Variants in AFF2 observed in about 807,000 individuals in gnomAD.
AFF2 encodes the protein ALF transcription elongation factor 2, also known as AF4/FMR2 family member 2.
A neutral mutation model predicts 76.9 loss-of-function variants in AFF2; 14 were observed. The ratio of observed to expected loss-of-function variants is 0.18; its 90% confidence interval spans 0.12 to 0.28. The LOEUF is 0.28. Among genes scored for constraint, AFF2 ranks in the 10% least tolerant of loss-of-function variants. AFF2 has a pLI of 1.00. For synonymous variants in AFF2, 398 were observed against 366.7 expected (o/e 1.09, Z -0.98); for missense variants, 868 against 1,001.1 (o/e 0.87, Z 1.79).
intron 1 of AFF2, among the ~76,000 whole-genome samples, chrX:148,617,420 G>T (rs1404247149): frequency 1.8e-5 from 2 of 111,843 alleles, no homozygotes; most frequent in Non-Finnish European, 3.8e-5. Flanking sequence ...TGATGGGGTT[G>T]TTTGTTTTTT....
At chrX:148,921,425 A>G (rs1022895822) in intron 9 of AFF2, among the ~76,000 whole-genome samples, 5 of 112,339 alleles carry the variant, frequency 4.5e-5, no homozygotes, top group Admixed American at 9.4e-5. Flanking sequence ...TTCTCCCTCC[A>G]GTAAGCCTTG....
chrX:148,634,614 C>G (rs1276032655), intron 1 of AFF2, among the ~76,000 whole-genome samples: 1 of 112,126 alleles, frequency 8.9e-6, no homozygotes, highest in Non-Finnish European at 1.9e-5. Flanking sequence ...CTCTCCCTCT[C>G]TCAAACATCT....
intron 9 of AFF2, among the ~76,000 whole-genome samples, chrX:148,934,141 C>T (rs2071745776): frequency 8.9e-6 from 1 of 112,664 alleles, no homozygotes; most frequent in African/African-American, 3.2e-5. Flanking sequence ...CAGTCAAATA[C>T]CTGGTTTGTG....
At chrX:148,705,970 C>A (rs1360704244) in intron 3 of AFF2, among the ~76,000 whole-genome samples, 1 of 111,780 alleles carries the variant, frequency 8.9e-6, no homozygotes, top group East Asian at 2.8e-4. Flanking sequence ...CTATGCAATC[C>A]TGGGGCTCTA....
chrX:148,605,986 A>T lies in AFF2; in HGVS notation c.48-46013A>T, dbSNP rs151336045. Among the ~76,000 whole-genome samples the T allele has an allele frequency of 8.5e-3, 956 of 112,306 alleles. 13 individuals are homozygous for T. Among genetic ancestry groups the T allele is most frequent in the African/African-American group, 0.029 (895 of 30,960 alleles). ...ATCTCCCCCAAATTTAGACCAGTTAAAAAGGGAAAAAGAGTAACTTTAACA... is the reference window on the plus strand; with the variant it reads ...ATCTCCCCCAAATTTAGACCAGTTATAAAGGGAAAAAGAGTAACTTTAACA... On this transcript the variant is annotated intron_variant, in intron 1 of 20. Coordinates refer to ENST00000370460, the MANE Select transcript of AFF2 (RefSeq NM_002025.4).
At chrX:148,536,131 A>G (rs1557236557) in intron 1 of AFF2, among the ~76,000 whole-genome samples, 3 of 108,912 alleles carry the variant, frequency 2.8e-5, no homozygotes, top group Non-Finnish European at 5.7e-5. Context: ...AATCGCTTGA[A>G]CCCAGGAGGT....
At chrX:148,729,480 C>T (rs782038222) in intron 3 of AFF2, among the ~76,000 whole-genome samples, 6 of 111,866 alleles carry the variant, frequency 5.4e-5, no homozygotes, top group South Asian at 3.7e-4. Flanking sequence ...ACACTACAGA[C>T]GTTATTTTCT....
chrX:148,834,549 A>G (rs868944010), intron 4 of AFF2, among the ~76,000 whole-genome samples: 3 of 86,915 alleles, frequency 3.5e-5, no homozygotes, highest in African/African-American at 1.4e-4. Flanking sequence ...GTGTGTGTGT[A>G]TGTAACTTAT....
At chrX:148,743,635 G>A (rs2055387385) in intron 3 of AFF2, among the ~76,000 whole-genome samples, 1 of 111,060 alleles carries the variant, frequency 9.0e-6, no homozygotes, top group Non-Finnish European at 1.9e-5. Context: ...CTTGCATTTT[G>A]CTGGAGGACC....
At chrX:148,766,154 G>A (rs782821096) in intron 3 of AFF2, among the ~76,000 whole-genome samples, 19 of 110,059 alleles carry the variant, frequency 1.7e-4, no homozygotes, top group Non-Finnish European at 3.4e-4. Context: ...GAATAGTGCC[G>A]CCATAAACAT....
chrX:148,788,363 CTT>C (rs782187493), intron 3 of AFF2, among the ~76,000 whole-genome samples: 63 of 112,191 alleles, frequency 5.6e-4, no homozygotes, highest in Non-Finnish European at 8.6e-4. Context: ...TAAGTTTTCT[CTT>C]TTCAGCAGTT....
At chrX:148,792,283 A>G (rs1479159658) in intron 3 of AFF2, among the ~76,000 whole-genome samples, 1 of 112,058 alleles carries the variant, frequency 8.9e-6, no homozygotes, top group African/African-American at 3.2e-5. Flanking sequence ...TCCTATAAAA[A>G]TAACCATTTA....
At chrX:148,822,384 T>C (rs1182074354) in intron 4 of AFF2, 1 of 111,308 alleles carries the variant, frequency 9.0e-6, no homozygotes, top group Non-Finnish European at 1.9e-5. Flanking sequence ...GCCAGCCAGA[T>C]CAGTTGAATC....
chrX:148,886,067 G>T, intron 8 of AFF2, 82 bp downstream of exon 8: 1 of 728,407 alleles, frequency 1.4e-6, no homozygotes, highest in African/African-American at 2.1e-5. Flanking sequence ...TTTGACATGC[G>T]CAAACTTCCC....
intron 8 of AFF2, among the ~76,000 whole-genome samples, chrX:148,891,336 A>T (rs1557279715): frequency 9.0e-6 from 1 of 111,425 alleles, no homozygotes; most frequent in African/African-American, 3.3e-5. Context: ...CAGGAGTTAA[A>T]CCTGGAATCA....
Position 148,993,066 on chromosome X carries a change from C to T in AFF2, c.*1734C>T, listed in dbSNP as rs2072551874. ...TCAAGGTTAGATATATCCCCAGTTGCAAAACAGCCAGACTTGAGCTGTGCT... is the reference window on the plus strand; with the variant it reads ...TCAAGGTTAGATATATCCCCAGTTGTAAAACAGCCAGACTTGAGCTGTGCT... On this transcript the variant is annotated 3_prime_UTR_variant, in exon 21 of 21. Coordinates refer to ENST00000370460, the MANE Select transcript of AFF2 (RefSeq NM_002025.4). The T allele has an allele frequency of 8.9e-6, 1 of 112,697 alleles. No individual in the cohort carries two copies. The highest frequency in any genetic ancestry group is 9.4e-5 in the Admixed American group (1 of 10,645). 9.3% of individuals were successfully genotyped at this position (112,697 alleles called of 1,213,427 possible).
At chrX:148,877,717 T>C (rs1384361620) in intron 7 of AFF2, among the ~76,000 whole-genome samples, 3 of 112,212 alleles carry the variant, frequency 2.7e-5, no homozygotes, top group Non-Finnish European at 3.8e-5. Context: ...TATCAGCAGC[T>C]GAAAATTTGC....
intron 9 of AFF2, among the ~76,000 whole-genome samples, chrX:148,912,159 T>C (rs1224292104): frequency 1.8e-5 from 2 of 112,507 alleles, no homozygotes; most frequent in Non-Finnish European, 3.8e-5. Flanking sequence ...TACTGCATTA[T>C]TTTTTAAAAT....
chrX:148,773,833 G>A (rs1557268340), intron 3 of AFF2, among the ~76,000 whole-genome samples: 1 of 111,336 alleles, frequency 9.0e-6, no homozygotes, highest in Non-Finnish European at 1.9e-5. Context: ...CTTAAAGCTG[G>A]GAAGAAGAGG....
Sources: allele counts gnomAD v4.1 joint callset (sites outside exome capture counted in the v4.1 genomes callset), GRCh38; gene constraint gnomAD v4.1.1; transcripts MANE v1.5; gene names NCBI Gene and HGNC (gene_info 2026-07-23, HGNC 2026-07-21).